The following NEBL variants were observed in gnomAD, a reference collection of about 807,000 sequenced individuals.
NEBL encodes the protein LIM and SH3 protein 2.
A neutral mutation model predicts 140.2 loss-of-function variants in NEBL; 122 were observed. That is an observed-to-expected ratio of 0.87 (90% CI 0.75 to 1.01). The LOEUF (loss-of-function observed/expected upper bound fraction) is 1.01. Ranked by LOEUF, NEBL falls within the 50% of genes least tolerant of loss-of-function variation. The pLI is 0.00. For synonymous variants in NEBL, 436 were observed against 398.9 expected, an observed-to-expected ratio of 1.09 and a Z score of -1.11; for missense variants, 1,365 against 1,231.3, an observed-to-expected ratio of 1.11 and a Z score of -1.62.
intron 3 of NEBL, among the ~76,000 whole-genome samples, chr10:21,197,911 A>G (rs1841676211): frequency 6.6e-6 from 1 of 152,046 alleles, no homozygotes; most frequent in Admixed American, 6.6e-5. Context: ...CCATTCCTCC[A>G]GCCCCTCACC....
chr10:21,204,476 GA>G (rs1841794891), intron 3 of NEBL, among the ~76,000 whole-genome samples: 1 of 151,858 alleles, frequency 6.6e-6, no homozygotes, highest in Admixed American at 6.6e-5. Context: ...CGCACATGAT[GA>G]CAGACCATAT....
intron 3 of NEBL, among the ~76,000 whole-genome samples, chr10:20,972,038 C>T (rs577517276): frequency 4.2e-4 from 64 of 152,238 alleles, no homozygotes; most frequent in Non-Finnish European, 5.7e-4. Context: ...TAAAGTATTA[C>T]GAAATAAGTA....
At chr10:21,277,370 G>A (rs905860710) in intron 1 of NEBL, among the ~76,000 whole-genome samples, 45 of 151,990 alleles carry the variant, frequency 3.0e-4, no homozygotes, top group African/African-American at 1.0e-3. Flanking sequence ...CACCACTCCT[G>A]GCTAAATTTT....
chr10:20,862,435 T>C (rs1041154836), intron 7 of NEBL, among the ~76,000 whole-genome samples: 3 of 152,220 alleles, frequency 2.0e-5, no homozygotes, highest in African/African-American at 7.2e-5. Flanking sequence ...TCGCTCTTTC[T>C]GTAAGGAATG....
chr10:20,988,439 A>G (rs1471769839), intron 3 of NEBL, among the ~76,000 whole-genome samples: 1 of 152,212 alleles, frequency 6.6e-6, no homozygotes, highest in Non-Finnish European at 1.5e-5. Context: ...CCAAAAAAAA[A>G]TTGACCAACC....
At chr10:20,875,525 A>T (rs1845413331) in intron 5 of NEBL, among the ~76,000 whole-genome samples, 1 of 152,212 alleles carries the variant, frequency 6.6e-6, no homozygotes, top group Admixed American at 6.5e-5. Flanking sequence ...CAGCTGGAGG[A>T]TTCACAGTGG....
chr10:20,851,123 A>AT (rs1181136261), intron 10 of NEBL, among the ~76,000 whole-genome samples: 4 of 152,336 alleles, frequency 2.6e-5, no homozygotes, highest in Admixed American at 1.3e-4. Flanking sequence ...AATGAGTGAT[A>AT]TTTTTTATCT....
chr10:21,123,416 A>G (rs1020708853), intron 2 of NEBL, among the ~76,000 whole-genome samples: 17 of 152,242 alleles, frequency 1.1e-4, no homozygotes, highest in Non-Finnish European at 2.4e-4. Context: ...AGAGAACTGC[A>G]TATTCTTAAA....
At chr10:21,075,984 C>T (rs764952357) in intron 2 of NEBL, among the ~76,000 whole-genome samples, 13 of 151,996 alleles carry the variant, frequency 8.6e-5, no homozygotes, top group South Asian at 2.1e-4. Flanking sequence ...CAATGAGATA[C>T]GACTGCACAC....
chr10:20,997,561 A>G (rs1211187993), intron 3 of NEBL, among the ~76,000 whole-genome samples: 1 of 150,014 alleles, frequency 6.7e-6, no homozygotes, highest in Admixed American at 6.7e-5. Flanking sequence ...CCAACCCTGC[A>G]ATGCACTATG....
At chr10:21,254,692 G>A (rs186655886) in intron 1 of NEBL, among the ~76,000 whole-genome samples, 22 of 152,344 alleles carry the variant, frequency 1.4e-4, no homozygotes, top group Non-Finnish European at 2.6e-4. Flanking sequence ...ACCACTGCAA[G>A]GACGTGGCCA....
Position 21,046,900 on chromosome 10 carries a change from C to T in NEBL, c.165-26699G>A, listed in dbSNP as rs902732736. On this transcript the variant is annotated intron_variant, in intron 2 of 6. Coordinates refer to the NEBL transcript ENST00000417816. Reference sequence around the variant, plus strand: ...TACAGGCATGAGCCACCGCGCCCGGCCCCTAACCTCAATATTTTTATCATT... The same window carrying T: ...TACAGGCATGAGCCACCGCGCCCGGTCCCTAACCTCAATATTTTTATCATT... 7.2e-5 allele frequency among the ~76,000 whole-genome samples: 11 copies of T among 152,272 alleles called. 1 individual carries two copies. In the East Asian group the frequency reaches 2.1e-3, roughly 29 times the overall value.
chr10:20,790,908 C>A (rs7068289), intron 26 of NEBL, among the ~76,000 whole-genome samples: 2,520 of 152,258 alleles, frequency 0.017, 57 homozygotes, highest in East Asian at 0.05. Flanking sequence ...ATGTCAGGTT[C>A]ATTTGGCAAC....
intron 2 of NEBL, among the ~76,000 whole-genome samples, chr10:21,139,991 A>C (rs796253724): frequency 8.0e-5 from 12 of 150,270 alleles, no homozygotes; most frequent in South Asian, 6.3e-4. Context: ...TCTCAACAAA[A>C]AAAAAAAAAA....
intron 2 of NEBL, among the ~76,000 whole-genome samples, chr10:21,061,550 A>C (rs1835308805): frequency 7.6e-6 from 1 of 130,980 alleles, no homozygotes; most frequent in South Asian, 2.4e-4. Context: ...TATTTTATAC[A>C]TATATAAATA....
At chr10:20,959,564 A>T (rs550650326) in intron 4 of NEBL, among the ~76,000 whole-genome samples, 1 of 152,150 alleles carries the variant, frequency 6.6e-6, no homozygotes, top group African/African-American at 2.4e-5. Context: ...GAGGTAAGGG[A>T]AAAAGTTCAT....
intron 2 of NEBL, among the ~76,000 whole-genome samples, chr10:21,122,737 A>G (rs1475361210): frequency 6.6e-6 from 1 of 152,188 alleles, no homozygotes; most frequent in Admixed American, 6.5e-5. Flanking sequence ...CAGAAGAGAT[A>G]TCTATTTGAG....
chr10:21,091,143 C>T (rs1408922802), intron 2 of NEBL, among the ~76,000 whole-genome samples: 9 of 152,192 alleles, frequency 5.9e-5, no homozygotes, highest in Non-Finnish European at 1.3e-4. Context: ...TCATCTCTTT[C>T]CTGGCTTACT....
At chr10:20,794,962 T>C (rs1194223537) in intron 26 of NEBL, among the ~76,000 whole-genome samples, 1 of 152,194 alleles carries the variant, frequency 6.6e-6, no homozygotes, top group Non-Finnish European at 1.5e-5. Flanking sequence ...GCAGATTAAG[T>C]AATTTGGTCA....
Sources: gnomAD v4.1 joint callset for allele counts (sites outside exome capture counted in the v4.1 genomes callset) on GRCh38, gnomAD v4.1.1 for gene constraint, MANE v1.5 for transcripts, NCBI Gene and HGNC (gene_info 2026-07-23, HGNC 2026-07-21) for gene names.